Variants in ZSCAN18 observed in about 807,000 individuals in gnomAD.
The protein encoded by ZSCAN18 is zinc finger and SCAN domain containing 18, also known as zinc finger and SCAN domain-containing protein 18.
Under a neutral mutation model 31.1 loss-of-function variants are expected in ZSCAN18, and 16 were observed. The observed-to-expected ratio is 0.51, with a 90% CI of 0.35 to 0.78. ZSCAN18 has a LOEUF of 0.78. Ranked by LOEUF, ZSCAN18 falls within the 30% of genes least tolerant of loss-of-function variation. The probability of loss-of-function intolerance (pLI) is 0.01; values close to 1 mark genes in which losing one functional copy is unlikely to be tolerated. For missense variants in ZSCAN18, 731 were observed against 697.4 expected, an observed-to-expected ratio of 1.05 and a Z score of -0.54; for synonymous variants, 375 against 320.7, an observed-to-expected ratio of 1.17 and a Z score of -1.81.
In ZSCAN18 at chr19:58,085,292, G is replaced by A; in HGVS notation, c.926C>T (p.Pro309Leu). Residue 309 changes from proline (P) to leucine (L), a missense_variant, in exon 7 of 7, where the codon CCC (proline) becomes CTC (leucine). Around this residue, in one of 4 missense-constraint regions of ZSCAN18, gnomAD observed 597 missense variants for 499.5 expected, o/e 1.20. Coordinates refer to ENST00000601144, the MANE Select transcript of ZSCAN18 (RefSeq NM_001145543.2). ...GGGATCGGCAAGGGCGTCCCCAGGG[G>A]GCGCCTCCGTAGGCAGCTCAGGCAG... ...GVLPELPTEAPPGDALADPPS... is the reference protein window; with the variant it reads ...GVLPELPTEALPGDALADPPS... The A allele has an allele frequency of 6.3e-7, 1 of 1,599,908 alleles. No individual in the cohort carries two copies. The highest frequency in any genetic ancestry group is 8.5e-7 in the Non-Finnish European group (1 of 1,177,880).
intron 1 of ZSCAN18, among the ~76,000 whole-genome samples, chr19:58,110,301 C>A (rs1408644909): frequency 1.3e-5 from 2 of 152,106 alleles, no homozygotes; most frequent in Non-Finnish European, 2.9e-5. Context: ...AATCATCTTC[C>A]ACTCTCCTCT....
At chr19:58,110,757 T>A (rs1403946437) in intron 1 of ZSCAN18, among the ~76,000 whole-genome samples, 4 of 152,240 alleles carry the variant, frequency 2.6e-5, no homozygotes, top group Non-Finnish European at 5.9e-5. Context: ...AATTGAAGCA[T>A]AATTTAAACA....
intron 1 of ZSCAN18, among the ~76,000 whole-genome samples, chr19:58,091,937 A>G (rs1326359575): frequency 6.6e-6 from 1 of 152,056 alleles, no homozygotes; most frequent in East Asian, 1.9e-4. Context: ...AGGTGCTGTG[A>G]GCCCTTCTCA....
At chr19:58,085,705 C>T (rs1157344365) in intron 6 of ZSCAN18, 3 of 416,802 alleles carry the variant, frequency 7.2e-6, no homozygotes, top group East Asian at 4.4e-5. Context: ...ACAAGATGCA[C>T]GATGCAAGGA....
chr19:58,102,978 T>C (rs2074607112), upstream of ZSCAN18, among the ~76,000 whole-genome samples: 1 of 151,896 alleles, frequency 6.6e-6, no homozygotes, highest in Admixed American at 6.6e-5. Context: ...AGAAATTAGC[T>C]GGGTGTGGTG....
intron 1 of ZSCAN18, chr19:58,107,824 C>T (rs936430470): frequency 1.0e-6 from 1 of 1,002,792 alleles, no homozygotes; most frequent in Non-Finnish European, 1.2e-6. Context: ...AAAACTTTCC[C>T]ACACTAGACA....
At chr19:58,098,261 C>A (rs980201375), upstream of ZSCAN18, 26 of 985,530 alleles carry the variant, frequency 2.6e-5, no homozygotes, top group South Asian at 1.1e-3. Flanking sequence ...CGCACTGGGC[C>A]TCACCGCGGA....
chr19:58,086,907 C>G lies in ZSCAN18; in HGVS notation c.744G>C (p.Trp248Cys). 1 of 1,613,354 alleles carries G rather than the reference C, an allele frequency of 6.2e-7. No individual in the cohort carries two copies. Among genetic ancestry groups the G allele is most frequent in the Non-Finnish European group, 8.5e-7 (1 of 1,179,794 alleles). ...GACCCCGAGGCAGGCGACTCTCACC[C>G]CACAGGAGCAGCTTCCGGTAGCTCT... ...NLKSYRKLLL[W>C]GYQLSQPDAA... is the part of the protein sequence containing the mutation. Residue 248 changes from tryptophan to cysteine, a missense_variant and splice_region_variant, in exon 5 of 7, where the codon TGG (tryptophan) becomes TGC (cysteine). By Grantham distance (215) the Trp-to-Cys change is radical. Transcript: ENST00000601144.
In ZSCAN18 at chr19:58,084,526, T is replaced by G; in HGVS notation, c.*159A>C. On this transcript the variant is annotated 3_prime_UTR_variant, in exon 7 of 7. Coordinates refer to ENST00000601144, the MANE Select transcript of ZSCAN18 (RefSeq NM_001145543.2). The surrounding 1 kb of genome is among the most constrained non-coding windows in gnomAD (Gnocchi z 4.5). ...GAGGGCTTCCCGTGGACCCTTCTCG[T>G]TGGGAGCGCTTAGCCTCAGGAGCGG... The G allele has an allele frequency of 5.2e-5, 35 of 667,032 alleles. No homozygotes were observed. Among genetic ancestry groups the G allele is most frequent in the Non-Finnish European group, 7.1e-5 (31 of 434,310 alleles). The allele number at this position is 667,032 out of a possible 1,614,324, so 41.3% of individuals were successfully genotyped here. A position where few individuals can be genotyped will look rare whatever the true frequency, so the allele number is the denominator to read the frequency against.
In ZSCAN18 at chr19:58,084,213, T is replaced by C. The variant is rs2074212657; in HGVS notation, c.*472A>G. ...GGTAAACTAGGAAACAGCTTCTGCTTTTGCAGATTAGAAGTGAAGTTGACA... is the reference window on the plus strand; with the variant it reads ...GGTAAACTAGGAAACAGCTTCTGCTCTTGCAGATTAGAAGTGAAGTTGACA... On this transcript the variant is annotated 3_prime_UTR_variant, in exon 7 of 7. Transcript: ENST00000601144. The surrounding 1 kb of genome is among the most constrained non-coding windows in gnomAD (Gnocchi z 4.5). 1 of 154,136 alleles carries C rather than the reference T, an allele frequency of 6.5e-6. No individual in the cohort carries two copies. 9.5% of individuals were successfully genotyped at this position (154,136 alleles called of 1,614,324 possible).
Position 58,084,467 on chromosome 19 carries a change from T to A in ZSCAN18, c.*218A>T. ...TCCACATCCGGCGGCTCCCCTCGGATGCGAGCGCTGGCCCAGGGTGTGTTT... is the reference window on the plus strand; with the variant it reads ...TCCACATCCGGCGGCTCCCCTCGGAAGCGAGCGCTGGCCCAGGGTGTGTTT... On this transcript the variant is annotated 3_prime_UTR_variant, in exon 7 of 7. Coordinates refer to ENST00000601144, the MANE Select transcript of ZSCAN18 (RefSeq NM_001145543.2). This position sits in a 1 kb window ranked among gnomAD's most constrained non-coding sequence, Gnocchi z 4.5. 1 of 467,314 alleles carries A rather than the reference T, an allele frequency of 2.1e-6. No individual in the cohort carries two copies. Among genetic ancestry groups the A allele is most frequent in the Non-Finnish European group, 3.7e-6 (1 of 272,756 alleles). The allele number at this position is 467,314 out of a possible 1,614,324, so 28.9% of individuals were successfully genotyped here. A position where few individuals can be genotyped will look rare whatever the true frequency, so the allele number is the denominator to read the frequency against.
Position 58,084,702 on chromosome 19 carries a change from G to A in ZSCAN18, c.1516C>T (p.Pro506Ser). 5.3e-6 allele frequency: 8 copies of A among 1,500,496 alleles called. No homozygotes were observed. Among genetic ancestry groups the A allele is most frequent in the Non-Finnish European group, 7.0e-6 (8 of 1,135,404 alleles). The allele number at this position is 1,500,496 out of a possible 1,614,324, so 92.9% of individuals were successfully genotyped here. The change falls in exon 7 of 7, where the codon CCA (proline) becomes TCA (serine). Residue 506 changes from proline (P) to serine (S), a missense_variant. Physicochemically the swap from Pro to Ser is moderately conservative, Grantham distance 74. Coordinates refer to ENST00000601144, the MANE Select transcript of ZSCAN18 (RefSeq NM_001145543.2). The surrounding 1 kb of genome is among the most constrained non-coding windows in gnomAD (Gnocchi z 4.5). ...ACAGCGGCTCACCTCTGCGCCTCTG[G>A]GGGTGCGGGGGGAGCCTCGCCCTCC... ...SVEGEAPPAP[P>S]EAQR
Position 58,084,936 on chromosome 19 carries a change from G to C in ZSCAN18, c.1282C>G (p.Leu428Val). ...CGEAFAWLSH[L>V]MEHHSSHGGR... ...CCATGGCTGCTGTGGTGCTCCATCAGGTGCGAGAGCCACGCGAAGGCCTCC... is the reference window on the plus strand; with the variant it reads ...CCATGGCTGCTGTGGTGCTCCATCACGTGCGAGAGCCACGCGAAGGCCTCC... Residue 428 changes from leucine to valine, a missense_variant, in exon 7 of 7, where the codon CTG becomes GTG. By Grantham distance (32) the Leu-to-Val change is conservative (BLOSUM62 1). Coordinates refer to ENST00000601144, the MANE Select transcript of ZSCAN18 (RefSeq NM_001145543.2). This position sits in a 1 kb window ranked among gnomAD's most constrained non-coding sequence, Gnocchi z 4.5. The C allele has an allele frequency of 2.5e-6, 4 of 1,597,500 alleles. No individual in the cohort carries two copies. The highest frequency in any genetic ancestry group is 1.3e-5 in the African/African-American group (1 of 74,894).
At chr19:58,092,425 A>AT (rs904144210) in intron 1 of ZSCAN18, 5 of 151,912 alleles carry the variant, frequency 3.3e-5, no homozygotes, top group African/African-American at 1.2e-4. Flanking sequence ...AAATACAAAA[A>AT]TTAGCTGGGT....
chr19:58,095,946 CTA>C, intron 1 of ZSCAN18, among the ~76,000 whole-genome samples: 1 of 152,322 alleles, frequency 6.6e-6, no homozygotes, highest in East Asian at 1.9e-4. Context: ...ATCTCCCTTC[CTA>C]CTGGGACCCT....
At chr19:58,116,885 T>C (rs948891393) in intron 1 of ZSCAN18, among the ~76,000 whole-genome samples, 2 of 152,084 alleles carry the variant, frequency 1.3e-5, no homozygotes, top group Non-Finnish European at 2.9e-5. Context: ...ATTCTGGAAA[T>C]ATCTTTTTTA....
At chr19:58,105,847 T>G (rs2074630370) in intron 1 of ZSCAN18, among the ~76,000 whole-genome samples, 2 of 150,118 alleles carry the variant, frequency 1.3e-5, no homozygotes, top group Admixed American at 1.3e-4. Context: ...GCCATAGTGG[T>G]ACATGCCTGT....
chr19:58,087,228 C>T (rs2074299309), intron 4 of ZSCAN18, 88 bp downstream of exon 4: 3 of 1,377,778 alleles, frequency 2.2e-6, no homozygotes, highest in East Asian at 2.5e-5. Context: ...TTTGGGGCCA[C>T]AGCCCTCTGC....
At chr19:58,094,154 T>C (rs12977251) in intron 1 of ZSCAN18, among the ~76,000 whole-genome samples, 54,433 of 150,760 alleles carry the variant, frequency 0.36, 10,849 homozygotes, top group South Asian at 0.48. Flanking sequence ...ATCCTCTCCT[T>C]TAGGAGGCCA....
Sources: allele counts gnomAD v4.1 joint callset (sites outside exome capture counted in the v4.1 genomes callset), GRCh38; gene constraint gnomAD v4.1.1; regional missense constraint gnomAD v4.1.1; non-coding constraint Gnocchi (gnomAD v3.1); transcripts MANE v1.5; gene names NCBI Gene and HGNC (gene_info 2026-07-23, HGNC 2026-07-21).